Variants in GNAQ observed in about 807,000 individuals in gnomAD.
The protein encoded by GNAQ is guanine nucleotide-binding protein G(q) subunit alpha.
Under a neutral mutation model 43.9 loss-of-function variants are expected in GNAQ, and 8 were observed. The observed-to-expected ratio is 0.18, with a 90% CI of 0.11 to 0.33. The LOEUF (loss-of-function observed/expected upper bound fraction) is 0.33. Among genes scored for constraint, GNAQ ranks in the 10% least tolerant of loss-of-function variants. The pLI, the probability that GNAQ is intolerant of heterozygous loss-of-function variation, is 1.00. For missense variants in GNAQ, 158 were observed against 450.8 expected, an observed-to-expected ratio of 0.35 and a Z score of 5.88; for synonymous variants, 155 against 170.7, an observed-to-expected ratio of 0.91 and a Z score of 0.71.
At chr9:78,019,344 A>G (rs545232167) in intron 1 of GNAQ, among the ~76,000 whole-genome samples, 92 of 152,348 alleles carry the variant, frequency 6.0e-4, no homozygotes, top group African/African-American at 2.0e-3. Flanking sequence ...AGGAGAAGGT[A>G]GAATGTTCAG....
intron 5 of GNAQ, among the ~76,000 whole-genome samples, chr9:77,783,790 G>A (rs180916762): frequency 6.6e-6 from 1 of 152,240 alleles, no homozygotes; most frequent in Non-Finnish European, 1.5e-5. Context: ...GCCAGATATG[G>A]TGGCTCATGG....
intron 5 of GNAQ, among the ~76,000 whole-genome samples, chr9:77,783,825 T>TG (rs1370762926): frequency 1.3e-5 from 2 of 152,156 alleles, no homozygotes; most frequent in African/African-American, 4.8e-5. Context: ...CCCAGCTACT[T>TG]GGAGGCTGAA....
At position 77,716,913 on chromosome 9, in the gene GNAQ, G is replaced by C. The variant is rs1041613647; in HGVS notation, c.*4410C>G. 8.6e-6 allele frequency: 2 copies of C among 232,786 alleles called. No homozygotes were observed. Among genetic ancestry groups the C allele is most frequent in the Non-Finnish European group, 1.7e-5 (2 of 117,808 alleles). The allele number at this position is 232,786 out of a possible 1,614,324, so 14.4% of individuals were successfully genotyped here. On this transcript the variant is annotated 3_prime_UTR_variant, in exon 7 of 7. Transcript: ENST00000286548. ...TCTAGAGGCAAGAGTGTTATTGAAA[G>C]GGCAGTGATCATTGGGAAGACAGCA...
intron 2 of GNAQ, among the ~76,000 whole-genome samples, chr9:77,829,439 G>A (rs1827261442): frequency 1.3e-5 from 2 of 152,278 alleles, no homozygotes; most frequent in South Asian, 4.1e-4. Flanking sequence ...TATGTTCCCT[G>A]CTTTCTTCAA....
chr9:77,883,284 G>C (rs1240589635), intron 2 of GNAQ, among the ~76,000 whole-genome samples: 1 of 152,066 alleles, frequency 6.6e-6, no homozygotes, highest in African/African-American at 2.4e-5. Context: ...GTGACACTGT[G>C]CCCTATATGA....
chr9:77,795,992 T>C (rs764685848), intron 4 of GNAQ, among the ~76,000 whole-genome samples: 2 of 152,240 alleles, frequency 1.3e-5, no homozygotes, highest in Non-Finnish European at 2.9e-5. Context: ...CATGAAATGC[T>C]ATGTTTTCTA....
chr9:77,960,038 C>CT (rs946159062), intron 1 of GNAQ, among the ~76,000 whole-genome samples: 26 of 149,256 alleles, frequency 1.7e-4, no homozygotes, highest in South Asian at 6.4e-4. Flanking sequence ...AACACCATTT[C>CT]TTTTTTTTTT....
At chr9:77,794,657 T>C in intron 4 of GNAQ, 65 bp from the exon 5 acceptor site, 1 of 900,880 alleles carries the variant, frequency 1.1e-6, no homozygotes, top group Non-Finnish European at 1.7e-6. Flanking sequence ...AACATAAATA[T>C]AGCACTACTT....
intron 5 of GNAQ, among the ~76,000 whole-genome samples, chr9:77,756,529 A>G (rs1360186555): frequency 2.0e-5 from 3 of 152,226 alleles, no homozygotes; most frequent in Non-Finnish European, 4.4e-5. Context: ...AAGTTCTTAC[A>G]AATGGAATAT....
At chr9:77,990,671 G>GT (rs2118519966) in intron 1 of GNAQ, among the ~76,000 whole-genome samples, 1 of 152,326 alleles carries the variant, frequency 6.6e-6, no homozygotes, top group African/African-American at 2.4e-5. Context: ...AAGCACACAT[G>GT]TATGTGAATC....
rs1303286439 is a variant in GNAQ at position 78,031,756 on chromosome 9, G to C, written c.-521C>G. Among the ~76,000 whole-genome samples the C allele has an allele frequency of 2.7e-5, 4 of 145,768 alleles. No individual in the cohort carries two copies. The highest frequency in any genetic ancestry group is 4.2e-4 in the South Asian group (2 of 4,708). On this transcript the variant is annotated 5_prime_UTR_variant, in exon 1 of 7. Transcript: ENST00000286548. ...ACGGCTCCCGGGCGCCCTCGGCCCT[G>C]TCCGCGCCCACCGCCCGGCTCGCGC...
intron 1 of GNAQ, among the ~76,000 whole-genome samples, chr9:77,950,018 C>T (rs1822956140): frequency 6.6e-6 from 1 of 152,150 alleles, no homozygotes; most frequent in Non-Finnish European, 1.5e-5. Context: ...ATTCCCTCTT[C>T]CTGTACTTTA....
At chr9:77,835,624 AG>A (rs1289851576) in intron 2 of GNAQ, among the ~76,000 whole-genome samples, 2 of 152,218 alleles carry the variant, frequency 1.3e-5, no homozygotes, top group African/African-American at 4.8e-5. Context: ...CACCATTCTA[AG>A]CAGTTAACAC....
rs572315306 is a variant in GNAQ, at chr9:77,874,076, C to A, written c.321+48085G>T. On this transcript the variant is annotated intron_variant, in intron 2 of 6. Transcript: ENST00000286548. ...GCTGAGATCGCACCATTGCACTCCA[C>A]CTGGGCAACAAGAGCGAAACTCCAT... Among the ~76,000 whole-genome samples, 379 of 147,674 alleles carry A rather than the reference C, an allele frequency of 2.6e-3. 1 individual carries two copies. The highest frequency in any genetic ancestry group is 5.2e-3 in the Admixed American group (73 of 13,908).
At chr9:77,737,368 C>T (rs558066935) in intron 5 of GNAQ, among the ~76,000 whole-genome samples, 13 of 152,228 alleles carry the variant, frequency 8.5e-5, no homozygotes, top group Admixed American at 4.6e-4. Flanking sequence ...ACGTTTCCCT[C>T]TACTAAGTAT....
At chr9:77,936,154 G>A (rs1170253880) in intron 1 of GNAQ, among the ~76,000 whole-genome samples, 3 of 152,102 alleles carry the variant, frequency 2.0e-5, no homozygotes, top group African/African-American at 7.2e-5. Context: ...CCTGAAAAAC[G>A]AGGAAGTGAA....
rs1403702630 is a variant in GNAQ at position 77,719,348 on chromosome 9, A to G, written c.*1975T>C. The stretch of plus-strand genomic sequence containing the variant: ...TATGGATGCTGCAATATCAAGAGAG[A>G]TGTATGTACAATGATTAGAGCATTT... On this transcript the variant is annotated 3_prime_UTR_variant, in exon 7 of 7. Transcript: ENST00000286548. 2.1e-5 allele frequency: 5 copies of G among 232,694 alleles called. No individual in the cohort carries two copies. The Admixed American group carries it at 2.3e-4, about 10-fold the overall frequency. 14.4% of individuals were successfully genotyped at this position (232,694 alleles called of 1,614,324 possible).
At chr9:77,777,950 G>A (rs1448673019) in intron 5 of GNAQ, among the ~76,000 whole-genome samples, 3 of 151,846 alleles carry the variant, frequency 2.0e-5, no homozygotes, top group Non-Finnish European at 4.4e-5. Flanking sequence ...AATGATCCAG[G>A]AATTCTACTC....
intron 1 of GNAQ, among the ~76,000 whole-genome samples, chr9:77,940,411 T>C (rs983278501): frequency 6.6e-6 from 1 of 151,940 alleles, no homozygotes; most frequent in South Asian, 2.1e-4. Flanking sequence ...CAAAGCCCCA[T>C]CTCTACAAAG....
Sources: allele counts gnomAD v4.1 joint callset (sites outside exome capture counted in the v4.1 genomes callset), GRCh38; gene constraint gnomAD v4.1.1; transcripts MANE v1.5; gene names NCBI Gene and HGNC (gene_info 2026-07-23, HGNC 2026-07-21).